The following SPTSSA variants were observed in gnomAD, a reference collection of about 807,000 sequenced individuals.
The protein encoded by SPTSSA is serine palmitoyltransferase small subunit A, also known as small subunit of serine palmitoyltransferase A.
In SPTSSA, 8 loss-of-function variants were observed where a neutral mutation model predicts 9.1. That is an observed-to-expected ratio of 0.88 (90% confidence interval 0.51 to 1.58). The LOEUF is 1.58. SPTSSA is among the 40% of genes most tolerant of loss of function. The pLI is 0.00. For missense variants in SPTSSA, 100 were observed against 93.8 expected (o/e 1.07, Z -0.27); for synonymous variants, 42 against 37.7 (o/e 1.11, Z -0.41).
intron 1 of SPTSSA, among the ~76,000 whole-genome samples, chr14:34,454,081 G>A (rs1224467989): frequency 6.6e-6 from 1 of 152,122 alleles, no homozygotes; most frequent in African/African-American, 2.4e-5. Context: ...TTGGGAAGCT[G>A]AGGCGGGAAG....
chr14:34,461,268 G>C (rs1305849127), intron 1 of SPTSSA, among the ~76,000 whole-genome samples: 11 of 152,178 alleles, frequency 7.2e-5, no homozygotes, highest in Non-Finnish European at 5.9e-5. Flanking sequence ...GCAGAGACAA[G>C]AAACATCAGA....
intron 1 of SPTSSA, among the ~76,000 whole-genome samples, chr14:34,460,593 T>C (rs189829950): frequency 5.3e-5 from 8 of 152,346 alleles, no homozygotes; most frequent in Non-Finnish European, 7.3e-5. Context: ...GTCAAATCTA[T>C]ACTAGATTCT....
chr14:34,457,970 G>GAAAAAAAAAAAAAAAAAAA (rs1566427256), intron 1 of SPTSSA, among the ~76,000 whole-genome samples: 2 of 83,360 alleles, frequency 2.4e-5, no homozygotes, highest in African/African-American at 9.7e-5. Flanking sequence ...AGACTGTCTC[G>GAAAAAAAAAAAAAAAAAAA]GAAAAAAAAA....
In SPTSSA at chr14:34,433,975, A is replaced by C. The variant is rs75711125; in HGVS notation, c.*1226T>G. ...AAGACTCCGTCTCAAAAAAAAAAAA[A>C]CAAAAAAACAACCCAGCAACACACA... is the stretch of plus-strand genomic sequence containing the variant. On this transcript the variant is annotated 3_prime_UTR_variant, in exon 2 of 2. Coordinates refer to ENST00000298130, the MANE Select transcript of SPTSSA (RefSeq NM_138288.4). The C allele has an allele frequency of 7.0e-6, 1 of 142,426 alleles. No homozygotes were observed. Among genetic ancestry groups the C allele is most frequent in the Non-Finnish European group, 1.5e-5 (1 of 67,936 alleles). The allele number at this position is 142,426 out of a possible 1,614,324, so 8.8% of individuals were successfully genotyped here. A position where few individuals can be genotyped will look rare whatever the true frequency, so the allele number is the denominator to read the frequency against.
Position 34,446,636 on chromosome 14 carries a change from T to C in SPTSSA, c.113-11332A>G, listed in dbSNP as rs368007571. Among the ~76,000 whole-genome samples the C allele has an allele frequency of 1.1e-4, 16 of 152,302 alleles. No homozygotes were observed. The East Asian group carries it at 1.4e-3, about 13-fold the overall frequency. ...CCCACATCATGGGTTAAAGAGAACA[T>C]TGCCAGGAGGCCTTCCCTCTTCTAG... On this transcript the variant is annotated intron_variant, in intron 1 of 1. Coordinates refer to ENST00000298130, the MANE Select transcript of SPTSSA (RefSeq NM_138288.4).
chr14:34,453,437 C>T (rs112268406), intron 1 of SPTSSA, among the ~76,000 whole-genome samples: 2,848 of 152,330 alleles, frequency 0.019, 93 homozygotes, highest in African/African-American at 0.065. Flanking sequence ...CCCTACACTG[C>T]CTCAATGGCA....
chr14:34,453,768 A>G (rs1477351650), intron 1 of SPTSSA, among the ~76,000 whole-genome samples: 1 of 152,212 alleles, frequency 6.6e-6, no homozygotes, highest in Non-Finnish European at 1.5e-5. Context: ...ACTATTGATC[A>G]TAACTACTAT....
intron 1 of SPTSSA, among the ~76,000 whole-genome samples, chr14:34,461,562 T>C (rs1878615491): frequency 6.6e-6 from 1 of 152,136 alleles, no homozygotes; most frequent in South Asian, 2.1e-4. Context: ...AAAGATACAA[T>C]AACTTAAACT....
At chr14:34,445,099 T>A (rs1034733803) in intron 1 of SPTSSA, among the ~76,000 whole-genome samples, 8 of 147,764 alleles carry the variant, frequency 5.4e-5, no homozygotes, top group East Asian at 2.0e-4. Context: ...AAAAAAAAAA[T>A]TTTAAAAAGA....
intron 1 of SPTSSA, among the ~76,000 whole-genome samples, chr14:34,438,885 T>G (rs1883278986): frequency 6.6e-6 from 1 of 152,158 alleles, no homozygotes; most frequent in African/African-American, 2.4e-5. Context: ...TAAAATGCAT[T>G]AGGTTTCCAA....
intron 1 of SPTSSA, among the ~76,000 whole-genome samples, chr14:34,452,753 A>G (rs1365402232): frequency 1.3e-5 from 2 of 152,176 alleles, no homozygotes; most frequent in African/African-American, 4.8e-5. Flanking sequence ...TGTTATGGGG[A>G]AAAATTTCCC....
intron 1 of SPTSSA, among the ~76,000 whole-genome samples, chr14:34,438,961 A>G (rs1883280270): frequency 6.6e-6 from 1 of 152,160 alleles, no homozygotes; most frequent in Non-Finnish European, 1.5e-5. Context: ...TCTAGCCCCA[A>G]ATCTTAGGAT....
intron 1 of SPTSSA, among the ~76,000 whole-genome samples, chr14:34,458,052 C>T (rs1878527346): frequency 1.3e-5 from 2 of 149,928 alleles, no homozygotes; most frequent in African/African-American, 4.9e-5. Context: ...ATTTACAAAA[C>T]TTACTTATAA....
At chr14:34,445,492 C>A (rs763608058) in intron 1 of SPTSSA, among the ~76,000 whole-genome samples, 3 of 152,100 alleles carry the variant, frequency 2.0e-5, no homozygotes, top group Non-Finnish European at 4.4e-5. Context: ...CAGAGCAAGA[C>A]TCTGTCTCAA....
In SPTSSA at chr14:34,449,502, CCT is replaced by C. The variant is rs1491565436; in HGVS notation, c.112+12592_112+12593del. Among the ~76,000 whole-genome samples, 750 of 131,088 alleles carry C rather than the reference CCT, an allele frequency of 5.7e-3. 2 individuals are homozygous for C. Among genetic ancestry groups the C allele is most frequent in the African/African-American group, 0.023 (696 of 30,456 alleles). The allele number at this position is 131,088 out of a possible 152,430, so 86.0% of individuals were successfully genotyped here. A position where few individuals can be genotyped will look rare whatever the true frequency, so the allele number is the denominator to read the frequency against. On this transcript the variant is annotated intron_variant, in intron 1 of 1. Transcript: ENST00000298130. ...GGCGTGAGCCACTGCACCCGGCCTC[CCT>C]TTTTTTTTTTTTTTTTTGAGACAAT...
At chr14:34,452,434 A>T (rs1883547075) in intron 1 of SPTSSA, among the ~76,000 whole-genome samples, 1 of 152,184 alleles carries the variant, frequency 6.6e-6, no homozygotes, top group Non-Finnish European at 1.5e-5. Flanking sequence ...GCACATCACC[A>T]TCAGAAATTA....
intron 1 of SPTSSA, among the ~76,000 whole-genome samples, chr14:34,446,026 T>C (rs1269505915): frequency 1.3e-5 from 2 of 152,228 alleles, no homozygotes; most frequent in East Asian, 3.8e-4. Flanking sequence ...TGATATCTGG[T>C]TGTATAAAAG....
chr14:34,456,366 T>C (rs2138834582), intron 1 of SPTSSA, among the ~76,000 whole-genome samples: 1 of 152,188 alleles, frequency 6.6e-6, no homozygotes, highest in African/African-American at 2.4e-5. Context: ...AATCAATATA[T>C]AAACAACTGT....
At chr14:34,451,863 A>G (rs1883533647) in intron 1 of SPTSSA, among the ~76,000 whole-genome samples, 1 of 152,200 alleles carries the variant, frequency 6.6e-6, no homozygotes. Flanking sequence ...TTTACTGAAA[A>G]GCAATCAAAG....
Sources: gnomAD v4.1 joint callset for allele counts (sites outside exome capture counted in the v4.1 genomes callset) on GRCh38, gnomAD v4.1.1 for gene constraint, MANE v1.5 for transcripts, NCBI Gene and HGNC (gene_info 2026-07-23, HGNC 2026-07-21) for gene names.